The following NR2C1 variants were observed in gnomAD, a reference collection of about 807,000 sequenced individuals.
NR2C1 encodes the protein TR2 nuclear hormone receptor.
NR2C1 carries 33 observed loss-of-function variants against 74.8 expected under a neutral mutation model. That is an observed-to-expected ratio of 0.44 (90% CI 0.33 to 0.59). NR2C1 has a LOEUF of 0.59. NR2C1 is among the 20% of genes least tolerant of loss of function. The pLI is 0.02. For synonymous variants in NR2C1, 225 were observed against 240.6 expected, an observed-to-expected ratio of 0.94 and a Z score of 0.60; for missense variants, 568 against 715.6, an observed-to-expected ratio of 0.79 and a Z score of 2.35.
rs760813930 is a variant in NR2C1 at position 95,022,327 on chromosome 12, C to T, written c.1714G>A (p.Gly572Ser). The T allele has an allele frequency of 6.2e-7, 1 of 1,613,562 alleles. No individual in the cohort carries two copies. The highest frequency in any genetic ancestry group is 8.5e-7 in the Non-Finnish European group (1 of 1,179,778). ...TCAATTCGTATATTGCCAATGAGAC[C>T]TTTGAAAAACAATTCTTCAGTGATG... ...ATITEELFFK[G>S]LIGNIRIDSV... Residue 572 changes from glycine to serine, a missense_variant, in exon 14 of 14, where the codon GGT becomes AGT. By Grantham distance (56) the Gly-to-Ser change is moderately conservative. Around this residue, in one of 6 missense-constraint regions of NR2C1, gnomAD observed 117 missense variants for 186.7 expected, o/e 0.63. Transcript: ENST00000333003.
chr12:95,028,231 C>T, intron 12 of NR2C1, 156 bp downstream of exon 12: 1 of 588,328 alleles, frequency 1.7e-6, no homozygotes, highest in South Asian at 2.2e-5. Context: ...GCTGCTGAGT[C>T]ATATGATAAC....
chr12:95,071,566 C>T (rs1876620736), intron 1 of NR2C1, among the ~76,000 whole-genome samples: 1 of 152,004 alleles, frequency 6.6e-6, no homozygotes, highest in African/African-American at 2.4e-5. Context: ...CCTTAAGATG[C>T]GGTGCCTGTA....
intron 7 of NR2C1, among the ~76,000 whole-genome samples, chr12:95,054,853 T>A (rs1873601831): frequency 6.7e-6 from 1 of 148,978 alleles, no homozygotes; most frequent in Non-Finnish European, 1.5e-5. Flanking sequence ...GGTCAGCAGA[T>A]AAACAAGTGA....
rs536464029 is a variant in NR2C1 at position 95,044,080 on chromosome 12, A to G, written c.1132-3483T>C. On this transcript the variant is annotated intron_variant, in intron 9 of 13. Transcript: ENST00000333003. ...GAGTGAGCTTCCCCAAAATGCCTGT[A>G]TATCTTTAGGTTTATAAATTGAATT... Among the ~76,000 whole-genome samples the G allele has an allele frequency of 5.9e-5, 9 of 152,312 alleles. No individual in the cohort carries two copies. In the South Asian group the frequency reaches 1.5e-3, roughly 25 times the overall value.
At chr12:95,044,795 T>G (rs984715799) in intron 9 of NR2C1, among the ~76,000 whole-genome samples, 1 of 152,082 alleles carries the variant, frequency 6.6e-6, no homozygotes, top group African/African-American at 2.4e-5. Context: ...GGTGGGAGGA[T>G]GGCTTGAGTC....
rs1218841632 is a variant in NR2C1, at chr12:95,062,612, T to A, written c.181A>T (p.Arg61Trp). The part of the protein sequence containing the change: ...GSTPSKVILA[R>W]QDSTPGKVFL... ...ACTTTTCCCGGAGTGGAATCTTGCC[T>A]GGCCAGAATGACTTTGCTTGGAGTA... The change falls in exon 3 of 14, where the codon AGG becomes TGG. Residue 61 changes from arginine to tryptophan, a missense_variant. Physicochemically the swap from Arg to Trp is moderately radical, Grantham distance 101. Coordinates refer to ENST00000333003, the MANE Select transcript of NR2C1 (RefSeq NM_003297.4). 1 of 1,614,202 alleles carries A rather than the reference T, an allele frequency of 6.2e-7. No individual in the cohort carries two copies. The highest frequency in any genetic ancestry group is 1.7e-5 in the Admixed American group (1 of 60,014).
At chr12:95,073,126 G>C (rs556114535) in intron 1 of NR2C1, 1 of 152,754 alleles carries the variant, frequency 6.5e-6, no homozygotes, top group South Asian at 2.0e-4. Flanking sequence ...GCCGCTCGCC[G>C]TCCGGCCCCG....
At chr12:95,024,222 T>C (rs973501121) in intron 13 of NR2C1, among the ~76,000 whole-genome samples, 13 of 139,012 alleles carry the variant, frequency 9.4e-5, no homozygotes, top group Non-Finnish European at 3.2e-5. Context: ...AATAAAATGT[T>C]TTATTTATTA....
rs1158482105 is a variant in NR2C1, at chr12:95,051,775, C to T, written c.952G>A (p.Gly318Ser). ...AAGATACCTTACCTTGAAACATCAC[C>T]GTTGGTCTGCATTTCTTGAAATTCA... ...LCEFQEMQTNGDVSRAFDTLA... is the reference protein window; with the variant it reads ...LCEFQEMQTNSDVSRAFDTLA... The change falls in exon 8 of 14, where the codon GGT becomes AGT. Residue 318 changes from glycine to serine, a missense_variant. Gly to Ser is a moderately conservative substitution (Grantham distance 56). Transcript: ENST00000333003. 2 of 1,605,506 alleles carry T rather than the reference C, an allele frequency of 1.2e-6. No individual in the cohort carries two copies. The highest frequency in any genetic ancestry group is 1.1e-5 in the South Asian group (1 of 89,314).
chr12:95,039,361 T>C (rs910267994), intron 10 of NR2C1, among the ~76,000 whole-genome samples: 9 of 152,214 alleles, frequency 5.9e-5, no homozygotes, highest in African/African-American at 1.9e-4. Flanking sequence ...TTATTCCCAT[T>C]TGGCAAATGG....
intron 2 of NR2C1, among the ~76,000 whole-genome samples, chr12:95,066,346 A>G (rs1769134163): frequency 6.6e-6 from 1 of 152,224 alleles, no homozygotes; most frequent in African/African-American, 2.4e-5. Flanking sequence ...TACAAAATAT[A>G]TAAAACATCA....
intron 12 of NR2C1, among the ~76,000 whole-genome samples, chr12:95,026,071 G>A (rs1263926513): frequency 1.3e-5 from 2 of 151,930 alleles, no homozygotes; most frequent in South Asian, 2.1e-4. Context: ...GCTGGGTGTG[G>A]TGGCAGGCAC....
At chr12:95,071,218 A>T (rs987226198) in intron 1 of NR2C1, among the ~76,000 whole-genome samples, 7 of 151,754 alleles carry the variant, frequency 4.6e-5, no homozygotes, top group South Asian at 2.1e-4. Flanking sequence ...AAAAAAAAAA[A>T]ATTTTGATTC....
chr12:95,047,226 A>T (rs1488424011), intron 9 of NR2C1, among the ~76,000 whole-genome samples: 2 of 152,236 alleles, frequency 1.3e-5, no homozygotes, highest in Non-Finnish European at 2.9e-5. Context: ...TCTTTTATTT[A>T]GAATACGAAA....
Position 95,025,089 on chromosome 12 carries a change from A to G in NR2C1, c.1637+61T>C, listed in dbSNP as rs545851750. The G allele has an allele frequency of 7.0e-6, 5 of 718,570 alleles. No homozygotes were observed. In the East Asian group the frequency reaches 8.8e-5, roughly 13 times the overall value. 44.5% of individuals were successfully genotyped at this position (718,570 alleles called of 1,614,324 possible). On this transcript the variant is annotated intron_variant, in intron 13 of 13. Transcript: ENST00000333003. ...TTATTGTGAGAGTAGTAATAATGAG[A>G]TAACAGATCCACAAAAGGTTTTTCA...
chr12:95,048,917 C>A, intron 9 of NR2C1, 151 bp downstream of exon 9: 1 of 729,084 alleles, frequency 1.4e-6, no homozygotes, highest in South Asian at 1.9e-5. Flanking sequence ...AGCCACTGTG[C>A]CTGGCCCAGA....
chr12:95,044,016 CTT>C (rs1871962209), intron 9 of NR2C1, among the ~76,000 whole-genome samples: 1 of 152,110 alleles, frequency 6.6e-6, no homozygotes, highest in South Asian at 2.1e-4. Flanking sequence ...TTTCACAAGT[CTT>C]TGAGACTGAA....
At chr12:95,047,467 T>C (rs1189068639) in intron 9 of NR2C1, among the ~76,000 whole-genome samples, 2 of 152,228 alleles carry the variant, frequency 1.3e-5, no homozygotes, top group Non-Finnish European at 2.9e-5. Context: ...TACATCAAAT[T>C]ACACTATTTT....
chr12:95,039,919 C>T (rs1299967462), intron 10 of NR2C1, among the ~76,000 whole-genome samples: 3 of 152,152 alleles, frequency 2.0e-5, no homozygotes, highest in Non-Finnish European at 4.4e-5. Flanking sequence ...GGATTACAGG[C>T]GTTAGTTACC....
Sources: allele counts gnomAD v4.1 joint callset (sites outside exome capture counted in the v4.1 genomes callset), GRCh38; gene constraint gnomAD v4.1.1; regional missense constraint gnomAD v4.1.1; transcripts MANE v1.5; gene names NCBI Gene and HGNC (gene_info 2026-07-23, HGNC 2026-07-21).